LRFN5: variants seen among roughly 807,000 people sequenced by gnomAD.
LRFN5 encodes leucine rich repeat and fibronectin type III domain containing 5, also known as leucine-rich repeat and fibronectin type-III domain-containing protein 5.
Under a neutral mutation model 45.6 loss-of-function variants are expected in LRFN5, and 24 were observed. That is an observed-to-expected ratio of 0.53 (90% CI 0.38 to 0.74). LRFN5 has a LOEUF of 0.74. Among genes scored for constraint, LRFN5 ranks in the 30% least tolerant of loss-of-function variants. The probability of loss-of-function intolerance (pLI) is 0.00; values close to 1 mark genes in which losing one functional copy is unlikely to be tolerated. For missense variants in LRFN5, 776 were observed against 861.5 expected, an observed-to-expected ratio of 0.90 and a Z score of 1.24; for synonymous variants, 340 against 313.8, an observed-to-expected ratio of 1.08 and a Z score of -0.88.
intron 1 of LRFN5, among the ~76,000 whole-genome samples, chr14:41,748,790 C>T (rs1327953865): frequency 6.6e-6 from 1 of 151,946 alleles, no homozygotes; most frequent in Non-Finnish European, 1.5e-5. Flanking sequence ...ATATGTGACA[C>T]ATAATTTCAT....
chr14:41,660,368 C>T (rs1307270527), intron 1 of LRFN5, among the ~76,000 whole-genome samples: 1 of 152,048 alleles, frequency 6.6e-6, no homozygotes, highest in African/African-American at 2.4e-5. Flanking sequence ...TCTATTTCAA[C>T]CCCAAACCCT....
chr14:41,755,866 G>T (rs1788113337), intron 1 of LRFN5, among the ~76,000 whole-genome samples: 1 of 152,156 alleles, frequency 6.6e-6, no homozygotes, highest in Non-Finnish European at 1.5e-5. Flanking sequence ...AGCCTCGATG[G>T]TCTTTACAAT....
At chr14:41,760,463 C>T (rs1476266717) in intron 1 of LRFN5, among the ~76,000 whole-genome samples, 2 of 152,138 alleles carry the variant, frequency 1.3e-5, no homozygotes, top group African/African-American at 4.8e-5. Context: ...ACAAACAGAA[C>T]TTGCACTTTC....
At chr14:41,826,333 A>G (rs1453690613) in intron 2 of LRFN5, among the ~76,000 whole-genome samples, 1 of 152,156 alleles carries the variant, frequency 6.6e-6, no homozygotes, top group Non-Finnish European at 1.5e-5. Flanking sequence ...AGTTCCAATC[A>G]TGGTTAACTT....
chr14:41,658,254 AT>A (rs1880470323), intron 1 of LRFN5, among the ~76,000 whole-genome samples: 1 of 151,928 alleles, frequency 6.6e-6, no homozygotes, highest in Non-Finnish European at 1.5e-5. Context: ...CACCAGACTA[AT>A]TTTCCAATGA....
At chr14:41,666,846 C>G (rs987970533) in intron 1 of LRFN5, among the ~76,000 whole-genome samples, 3 of 152,086 alleles carry the variant, frequency 2.0e-5, no homozygotes, top group Non-Finnish European at 4.4e-5. Context: ...GGCTATGCAA[C>G]AGTGATAGTT....
At chr14:41,611,994 A>G (rs1887773717) in intron 1 of LRFN5, among the ~76,000 whole-genome samples, 1 of 152,154 alleles carries the variant, frequency 6.6e-6, no homozygotes, top group Non-Finnish European at 1.5e-5. Flanking sequence ...AATGATCTTC[A>G]TATGTTATAT....
At chr14:41,726,142 T>C (rs560376930) in intron 1 of LRFN5, among the ~76,000 whole-genome samples, 2 of 152,268 alleles carry the variant, frequency 1.3e-5, no homozygotes, top group Admixed American at 1.3e-4. Context: ...CAATTGGCCA[T>C]AGAACTGTTC....
chr14:41,690,981 A>G (rs1013707948), intron 1 of LRFN5, among the ~76,000 whole-genome samples: 6 of 152,084 alleles, frequency 3.9e-5, no homozygotes, highest in Admixed American at 3.9e-4. Flanking sequence ...GACACAGAAT[A>G]AAAGAGAAAC....
At chr14:41,625,767 TA>T (rs926356705) in intron 1 of LRFN5, among the ~76,000 whole-genome samples, 23 of 151,842 alleles carry the variant, frequency 1.5e-4, no homozygotes, top group East Asian at 1.9e-4. Context: ...ATGTACAAGG[TA>T]AAAAAAATGT....
At chr14:41,871,380 G>T (rs905071119) in intron 2 of LRFN5, among the ~76,000 whole-genome samples, 1 of 152,114 alleles carries the variant, frequency 6.6e-6, no homozygotes, top group African/African-American at 2.4e-5. Flanking sequence ...CTGAGGTCAG[G>T]AGTTCAAGAC....
chr14:41,863,088 T>C (rs911905863), intron 2 of LRFN5, among the ~76,000 whole-genome samples: 1 of 152,048 alleles, frequency 6.6e-6, no homozygotes, highest in African/African-American at 2.4e-5. Flanking sequence ...ATGGTCTCGA[T>C]CTCCTGACCT....
chr14:41,717,069 C>T (rs534500352), intron 1 of LRFN5, among the ~76,000 whole-genome samples: 4 of 152,250 alleles, frequency 2.6e-5, no homozygotes, highest in Admixed American at 1.3e-4. Context: ...CACACAGGCT[C>T]ATGATAGCAA....
chr14:41,831,848 T>G (rs981093373), intron 2 of LRFN5, among the ~76,000 whole-genome samples: 5 of 152,054 alleles, frequency 3.3e-5, no homozygotes, highest in African/African-American at 1.2e-4. Context: ...TTTTATATAT[T>G]ACAATTCTGG....
In LRFN5 at chr14:41,796,251, G is replaced by A. The variant is rs376390853; in HGVS notation, c.-21+29222G>A. Among the ~76,000 whole-genome samples, 7 of 151,932 alleles carry A rather than the reference G, an allele frequency of 4.6e-5. No individual in the cohort carries two copies. The East Asian group carries it at 9.7e-4, about 21-fold the overall frequency. On this transcript the variant is annotated intron_variant, in intron 2 of 5. Coordinates refer to ENST00000298119, the MANE Select transcript of LRFN5 (RefSeq NM_152447.5). ...AACATCATTTTGCTTAATGATAATA[G>A]TAATGTTATTGTAGAGAATACAGAA...
intron 1 of LRFN5, among the ~76,000 whole-genome samples, chr14:41,762,960 A>T (rs1885731218): frequency 6.6e-6 from 1 of 152,118 alleles, no homozygotes; most frequent in African/African-American, 2.4e-5. Context: ...TTCTAGGGAG[A>T]AATGATTGGT....
chr14:41,675,682 A>G (rs978108687), intron 1 of LRFN5, among the ~76,000 whole-genome samples: 4 of 152,100 alleles, frequency 2.6e-5, no homozygotes, highest in African/African-American at 9.7e-5. Context: ...TGAGGGCCTA[A>G]ATGAATAAGC....
At chr14:41,732,668 G>A (rs1884230865) in intron 1 of LRFN5, among the ~76,000 whole-genome samples, 1 of 151,744 alleles carries the variant, frequency 6.6e-6, no homozygotes, top group Middle Eastern at 3.4e-3. Context: ...TATATAATTA[G>A]ATTCAAATGT....
At chr14:41,656,588 T>C (rs1422432035) in intron 1 of LRFN5, among the ~76,000 whole-genome samples, 1 of 151,740 alleles carries the variant, frequency 6.6e-6, no homozygotes, top group African/African-American at 2.4e-5. Flanking sequence ...TTAGACGAGA[T>C]CTGTCTAAGG....
Sources: allele counts gnomAD v4.1 joint callset (sites outside exome capture counted in the v4.1 genomes callset), GRCh38; gene constraint gnomAD v4.1.1; transcripts MANE v1.5; gene names NCBI Gene and HGNC (gene_info 2026-07-23, HGNC 2026-07-21).